Variants in HEATR6 observed in about 807,000 individuals in gnomAD.
The protein encoded by HEATR6 is HEAT repeat containing 6.
In HEATR6, 106 loss-of-function variants were observed where a neutral mutation model predicts 132.8. The observed-to-expected ratio is 0.80, with a 90% CI of 0.68 to 0.94. The LOEUF is 0.94. HEATR6 is among the 40% of genes least tolerant of loss of function. The pLI, the probability that HEATR6 is intolerant of heterozygous loss-of-function variation, is 0.00. For missense variants in HEATR6, 1,339 were observed against 1,425.1 expected (o/e 0.94, Z 0.97); for synonymous variants, 529 against 537.8 (o/e 0.98, Z 0.23).
Position 60,073,168 on chromosome 17 carries a change from G to C in HEATR6, c.580C>G (p.Leu194Val). 6.3e-7 allele frequency: 1 copy of C among 1,584,956 alleles called. No individual in the cohort carries two copies. The highest frequency in any genetic ancestry group is 1.7e-4 in the Middle Eastern group (1 of 6,004). ...AAVHCMANLC[L>V]SVPGQPYLEE... ...AACTTGACTGGAGCCACATACCTGAGACATAAGTTTGCCATACAATGTACT... is the reference window on the plus strand; with the variant it reads ...AACTTGACTGGAGCCACATACCTGACACATAAGTTTGCCATACAATGTACT... The change falls in exon 4 of 20, where the codon CTC becomes GTC. Residue 194 changes from leucine to valine, a missense_variant. Transcript: ENST00000184956.
At chr17:60,045,741 T>C (rs2145178177) in intron 19 of HEATR6, among the ~76,000 whole-genome samples, 1 of 152,376 alleles carries the variant, frequency 6.6e-6, no homozygotes, top group Admixed American at 6.5e-5. Flanking sequence ...GATCATTCTG[T>C]AGAAATTATT....
intron 15 of HEATR6, 98 bp from the exon 16 acceptor site, chr17:60,049,800 A>C: frequency 7.3e-7 from 1 of 1,376,832 alleles, no homozygotes; most frequent in Non-Finnish European, 1.0e-6. Flanking sequence ...TGAGACCATA[A>C]TCAGGAGTTG....
intron 16 of HEATR6, among the ~76,000 whole-genome samples, chr17:60,048,821 T>C (rs1906458574): frequency 6.6e-6 from 1 of 152,014 alleles, no homozygotes; most frequent in Admixed American, 6.6e-5. Flanking sequence ...TATTTCCTTC[T>C]TAGTAAAAAC....
Position 60,043,397 on chromosome 17 carries a change from C to T in HEATR6, c.*166G>A. On this transcript the variant is annotated 3_prime_UTR_variant, in exon 20 of 20. Transcript: ENST00000184956. ...CCATGGCCAGTGCTATGGAGTCACT[C>T]CAAAGGTGGTTGAGCCCTCTGTGAA... 1 of 638,136 alleles carries T rather than the reference C, an allele frequency of 1.6e-6. No homozygotes were observed. The highest frequency in any genetic ancestry group is 2.7e-6 in the Non-Finnish European group (1 of 368,930). The allele number at this position is 638,136 out of a possible 1,614,324, so 39.5% of individuals were successfully genotyped here.
chr17:60,059,372 T>G, intron 11 of HEATR6, 50 bp downstream of exon 11: 2 of 1,022,106 alleles, frequency 2.0e-6, no homozygotes, highest in Non-Finnish European at 3.0e-6. Context: ...TTACTAATAG[T>G]CTGCATCTGA....
chr17:60,067,795 C>A (rs915862203), intron 7 of HEATR6, 63 bp from the exon 8 acceptor site: 10 of 1,306,024 alleles, frequency 7.7e-6, no homozygotes, highest in South Asian at 2.8e-5. Flanking sequence ...TTCACTGAAT[C>A]GTTACTTCTT....
chr17:60,059,070 C>G (rs1218235716), intron 11 of HEATR6, among the ~76,000 whole-genome samples: 6 of 152,176 alleles, frequency 3.9e-5, no homozygotes, highest in Non-Finnish European at 2.9e-5. Context: ...GTCTGTCTAT[C>G]TAACCATCCA....
intron 14 of HEATR6, among the ~76,000 whole-genome samples, chr17:60,053,444 T>C (rs1906648936): frequency 1.3e-5 from 2 of 152,160 alleles, no homozygotes; most frequent in South Asian, 2.1e-4. Flanking sequence ...TGGGGTGTTG[T>C]TATAAAGAGA....
Position 60,043,570 on chromosome 17 carries a change from TTTG to T in HEATR6, c.3536_3538del (p.Thr1179del). On this transcript the variant is annotated inframe_deletion, in exon 20 of 20. Coordinates refer to ENST00000184956, the MANE Select transcript of HEATR6 (RefSeq NM_022070.5). The stretch of plus-strand genomic sequence containing the variant: ...GAAAGTATGGTGGGATCTTCACTGA[TTTG>T]TTAACCCTGGGAGTGCCCCTTGTGA... The T allele has an allele frequency of 6.2e-7, 1 of 1,607,980 alleles. No homozygotes were observed. The highest frequency in any genetic ancestry group is 8.5e-7 in the Non-Finnish European group (1 of 1,175,284).
At chr17:60,053,513 G>C (rs1483197365) in intron 14 of HEATR6, among the ~76,000 whole-genome samples, 1 of 152,224 alleles carries the variant, frequency 6.6e-6, no homozygotes, top group Non-Finnish European at 1.5e-5. Context: ...AAAGAGTTTG[G>C]AAGGCTCAGA....
At position 60,055,567 on chromosome 17, in the gene HEATR6, T is replaced by C. The variant is rs755586221; in HGVS notation, c.2237A>G (p.Gln746Arg). 5.0e-6 allele frequency: 8 copies of C among 1,613,334 alleles called. No homozygotes were observed. The Admixed American group carries it at 1.0e-4, about 20-fold the overall frequency. ...TGCTGCAGTGGAGTCTGGTTTATAC[T>C]GCTGTATTAAGCCTGTGCCCAGTTC... ...LEELGTGLIQ[Q>R]YKPDSTAAPD... The change falls in exon 14 of 20, where the codon CAG (glutamine) becomes CGG (arginine). Residue 746 changes from glutamine to arginine, a missense_variant. Transcript: ENST00000184956.
chr17:60,061,928 A>G (rs1252961638), intron 9 of HEATR6, among the ~76,000 whole-genome samples: 1 of 152,278 alleles, frequency 6.6e-6, no homozygotes, highest in African/African-American at 2.4e-5. Context: ...AATCGAATGG[A>G]AAGAAATGAA....
In HEATR6 at chr17:60,072,202, A is replaced by G; in HGVS notation, c.699+13T>C. The G allele has an allele frequency of 7.2e-7, 1 of 1,384,004 alleles. No individual in the cohort carries two copies. The highest frequency in any genetic ancestry group is 1.0e-6 in the Non-Finnish European group (1 of 978,782). 85.7% of individuals were successfully genotyped at this position (1,384,004 alleles called of 1,614,324 possible). ...ATCCGCAACATTCACTACGTCAATGATAGTCCACTTACCATGCAAAATGTG... is the reference window on the plus strand; with the variant it reads ...ATCCGCAACATTCACTACGTCAATGGTAGTCCACTTACCATGCAAAATGTG... On this transcript the variant is annotated intron_variant, in intron 5 of 19. Coordinates refer to ENST00000184956, the MANE Select transcript of HEATR6 (RefSeq NM_022070.5).
In HEATR6 at chr17:60,043,743, G is replaced by C; in HGVS notation, c.3366C>G (p.Pro1122=). The stretch of plus-strand genomic sequence containing the variant: ...TCTGGTCTCTTTCCTGTGGGCTGTG[G>C]GGTGCTCCAGTGTCATCTCCCTCTG... ...SGAEGDDTGA[P]HSPQERDQMV... is the part of the protein sequence containing the mutation. Residue 1122 remains proline, a synonymous_variant, in exon 20 of 20, where the codon CCC becomes CCG. Coordinates refer to ENST00000184956, the MANE Select transcript of HEATR6 (RefSeq NM_022070.5). 6.2e-7 allele frequency: 1 copy of C among 1,614,180 alleles called. No homozygotes were observed. The highest frequency in any genetic ancestry group is 8.5e-7 in the Non-Finnish European group (1 of 1,180,036).
chr17:60,048,132 CA>C, intron 17 of HEATR6, 131 bp downstream of exon 17: 7 of 837,580 alleles, frequency 8.4e-6, no homozygotes, highest in South Asian at 2.7e-5. Context: ...GAATATCAAA[CA>C]AAAAAAGCAG....
chr17:60,065,803 G>C (rs2083237446), intron 9 of HEATR6, among the ~76,000 whole-genome samples: 1 of 152,110 alleles, frequency 6.6e-6, no homozygotes, highest in African/African-American at 2.4e-5. Context: ...ATTTTTCTAA[G>C]CCTTATGCAT....
At chr17:60,073,920 A>C (rs747647536) in intron 2 of HEATR6, 34 bp from the exon 3 acceptor site, 2 of 1,597,992 alleles carry the variant, frequency 1.3e-6, no homozygotes, top group African/African-American at 1.4e-5. Flanking sequence ...TTCTGATCTA[A>C]CTTTTAAAAA....
intron 9 of HEATR6, among the ~76,000 whole-genome samples, chr17:60,060,778 G>C (rs1418662368): frequency 6.6e-6 from 1 of 152,156 alleles, no homozygotes; most frequent in East Asian, 1.9e-4. Flanking sequence ...CCAACTTTCA[G>C]AAACAGTCTT....
At position 60,057,082 on chromosome 17, in the gene HEATR6, T is replaced by C; in HGVS notation, c.2045A>G (p.Tyr682Cys). The change falls in exon 12 of 20, where the codon TAC becomes TGC. Residue 682 changes from tyrosine to cysteine, a missense_variant. Tyr to Cys is a radical substitution (Grantham distance 194, BLOSUM62 -2). Coordinates refer to ENST00000184956, the MANE Select transcript of HEATR6 (RefSeq NM_022070.5). ...CTCCAGTCGCATGGGGGATGGTTCG[T>C]AGGTGCTTCCTGCTGCAGAGCCAGC... ...SDAGSAAGST[Y>C]EPSPMRLEAL... 1 of 1,612,602 alleles carries C rather than the reference T, an allele frequency of 6.2e-7. No individual in the cohort carries two copies. The highest frequency in any genetic ancestry group is 8.5e-7 in the Non-Finnish European group (1 of 1,179,052).
Sources: gnomAD v4.1 joint callset for allele counts (sites outside exome capture counted in the v4.1 genomes callset) on GRCh38, gnomAD v4.1.1 for gene constraint, MANE v1.5 for transcripts, NCBI Gene and HGNC (gene_info 2026-07-23, HGNC 2026-07-21) for gene names.